The following PLXDC1 variants were observed in gnomAD, a reference collection of about 807,000 sequenced individuals.
PLXDC1 encodes plexin domain containing 1.
PLXDC1 carries 39 observed loss-of-function variants against 61.3 expected under a neutral mutation model. The observed-to-expected ratio is 0.64, with a 90% CI of 0.49 to 0.83. PLXDC1 has a LOEUF of 0.83. PLXDC1 is among the 40% of genes least tolerant of loss of function. PLXDC1 has a pLI of 0.00. For synonymous variants in PLXDC1, 212 were observed against 254.5 expected, an observed-to-expected ratio of 0.83 and a Z score of 1.59; for missense variants, 596 against 666.5, an observed-to-expected ratio of 0.89 and a Z score of 1.17.
chr17:39,084,043 A>G (rs900424511), intron 8 of PLXDC1, among the ~76,000 whole-genome samples: 6 of 152,176 alleles, frequency 3.9e-5, no homozygotes, highest in Admixed American at 1.3e-4. Context: ...CACTAAACAG[A>G]TAATCAAAAA....
At chr17:39,140,914 A>G (rs1270158564) in intron 1 of PLXDC1, among the ~76,000 whole-genome samples, 2 of 152,240 alleles carry the variant, frequency 1.3e-5, no homozygotes, top group Non-Finnish European at 1.5e-5. Context: ...ATTCAGTAAC[A>G]TTAAATACAT....
intron 1 of PLXDC1, among the ~76,000 whole-genome samples, chr17:39,148,537 C>T (rs922480086): frequency 9.9e-5 from 15 of 151,840 alleles, no homozygotes; most frequent in Admixed American, 5.2e-4. Context: ...TGCACCACCA[C>T]GCCTGGCTAA....
intron 1 of PLXDC1, among the ~76,000 whole-genome samples, chr17:39,141,179 G>A (rs62074966): frequency 0.038 from 5,843 of 152,196 alleles, 142 homozygotes; most frequent in Non-Finnish European, 0.054. Context: ...ATAGGCATGC[G>A]CCACCATGCC....
intron 1 of PLXDC1, among the ~76,000 whole-genome samples, chr17:39,142,682 G>A (rs1326094450): frequency 2.0e-5 from 3 of 152,104 alleles, no homozygotes; most frequent in Non-Finnish European, 2.9e-5. Context: ...CACCACACCC[G>A]GCTAGTTATT....
intron 2 of PLXDC1, among the ~76,000 whole-genome samples, chr17:39,117,020 G>A (rs1422357878): frequency 5.9e-5 from 9 of 152,242 alleles, no homozygotes. Context: ...ATGGGGAATG[G>A]AAGCTGGGTG....
intron 1 of PLXDC1, among the ~76,000 whole-genome samples, chr17:39,146,029 G>A (rs930028824): frequency 2.0e-5 from 3 of 151,762 alleles, no homozygotes; most frequent in Non-Finnish European, 4.4e-5. Context: ...CAGAAGTATA[G>A]GAGTAATTAA....
intron 13 of PLXDC1, 48 bp from the exon 14 acceptor site, chr17:39,068,007 T>G: frequency 6.3e-7 from 1 of 1,597,554 alleles, no homozygotes; most frequent in Non-Finnish European, 8.6e-7. Context: ...CCCGCCCCCA[T>G]GGGGACCCCA....
At chr17:39,110,122 T>C (rs1024057109) in intron 2 of PLXDC1, among the ~76,000 whole-genome samples, 2 of 139,296 alleles carry the variant, frequency 1.4e-5, no homozygotes, top group African/African-American at 5.4e-5. Flanking sequence ...CGAGACTCTG[T>C]CTCAAAAGAA....
chr17:39,128,576 G>A (rs749738947), intron 2 of PLXDC1, among the ~76,000 whole-genome samples: 1 of 151,976 alleles, frequency 6.6e-6, no homozygotes, highest in Non-Finnish European at 1.5e-5. Context: ...TAGAGAAATC[G>A]GAACCCTCAT....
chr17:39,085,069 A>T (rs903338666), intron 8 of PLXDC1, among the ~76,000 whole-genome samples: 2 of 152,076 alleles, frequency 1.3e-5, no homozygotes, highest in Admixed American at 6.5e-5. Flanking sequence ...AAAAATGACC[A>T]CTCATTTGAT....
chr17:39,150,978 G>C (rs2144016920), intron 1 of PLXDC1, among the ~76,000 whole-genome samples: 1 of 152,298 alleles, frequency 6.6e-6, no homozygotes, highest in Non-Finnish European at 1.5e-5. Context: ...AGAAGGCATG[G>C]CTGGGGCAGG....
rs78151658 is a variant in PLXDC1 at position 39,064,026 on chromosome 17, A to T, written c.*3814T>A. On this transcript the variant is annotated 3_prime_UTR_variant, in exon 14 of 14. Transcript: ENST00000315392. Reference sequence around the variant, plus strand: ...CTCTCAATTTAACAAACCAAGCTGAAGCCTGAGCACAGCTACAACCTTGTC... The same window carrying T: ...CTCTCAATTTAACAAACCAAGCTGATGCCTGAGCACAGCTACAACCTTGTC... 619 of 159,228 alleles carry T rather than the reference A, an allele frequency of 3.9e-3. 25 individuals are homozygous for T. In the East Asian group the frequency reaches 0.09, roughly 23 times the overall value. The allele number at this position is 159,228 out of a possible 1,614,324, so 9.9% of individuals were successfully genotyped here. A position where few individuals can be genotyped will look rare whatever the true frequency, so the allele number is the denominator to read the frequency against.
intron 2 of PLXDC1, among the ~76,000 whole-genome samples, chr17:39,135,676 TAAA>T (rs35762241): frequency 6.7e-5 from 7 of 104,374 alleles, no homozygotes; most frequent in Admixed American, 1.0e-4. Context: ...ACACTCCGTC[TAAA>T]AAAAAAAAAA....
chr17:39,107,555 C>A, intron 5 of PLXDC1, 30 bp from the exon 6 acceptor site: 1 of 1,501,374 alleles, frequency 6.7e-7, no homozygotes. Context: ...CCCGGCTGGA[C>A]GGGAGATCAT....
At chr17:39,139,134 C>A (rs1415326080) in intron 2 of PLXDC1, among the ~76,000 whole-genome samples, 1 of 152,186 alleles carries the variant, frequency 6.6e-6, no homozygotes, top group East Asian at 1.9e-4. Context: ...TGTGCCAGCA[C>A]CCCAGAACTG....
intron 2 of PLXDC1, among the ~76,000 whole-genome samples, chr17:39,131,573 G>A (rs1301115335): frequency 8.6e-5 from 13 of 151,944 alleles, no homozygotes; most frequent in Admixed American, 8.5e-4. Flanking sequence ...GGCTGGTCTT[G>A]AACTCCTGAC....
At chr17:39,124,479 G>C (rs1196473495) in intron 2 of PLXDC1, among the ~76,000 whole-genome samples, 1 of 152,202 alleles carries the variant, frequency 6.6e-6, no homozygotes, top group Non-Finnish European at 1.5e-5. Context: ...TGTAGTCCCA[G>C]CTACTAGGGA....
Position 39,108,946 on chromosome 17 carries a change from A to G in PLXDC1, c.427T>C (p.Phe143Leu), listed in dbSNP as rs760469459. The G allele has an allele frequency of 6.8e-6, 11 of 1,613,588 alleles. No homozygotes were observed. The highest frequency in any genetic ancestry group is 8.5e-6 in the Non-Finnish European group (10 of 1,179,654). The part of the protein sequence containing the change: ...SRVVLSFDFP[F>L]YGHPLRQITI... ...ATCTGCCGCAGAGGATGCCCGTAGA[A>G]AGGGAAATCAAAGGACAAGACCACT... The change falls in exon 4 of 14, where the codon TTC becomes CTC. Residue 143 changes from phenylalanine to leucine, a missense_variant. Physicochemically the swap from Phe to Leu is conservative, Grantham distance 22. Transcript: ENST00000315392.
intron 1 of PLXDC1, among the ~76,000 whole-genome samples, chr17:39,149,727 T>C (rs2045361911): frequency 6.6e-6 from 1 of 152,008 alleles, no homozygotes; most frequent in Non-Finnish European, 1.5e-5. Flanking sequence ...GTCTGGCCAC[T>C]ATCTCCCAGC....
Sources: gnomAD v4.1 joint callset for allele counts (sites outside exome capture counted in the v4.1 genomes callset) on GRCh38, gnomAD v4.1.1 for gene constraint, MANE v1.5 for transcripts, NCBI Gene and HGNC (gene_info 2026-07-23, HGNC 2026-07-21) for gene names.